The following UGT1A10 variants were observed in gnomAD, a reference collection of about 807,000 sequenced individuals.
UGT1A10 encodes UDP glucuronosyltransferase family 1 member A10.
A neutral mutation model predicts 45.8 loss-of-function variants in UGT1A10; 49 were observed. That is an observed-to-expected ratio of 1.07 (90% CI 0.85 to 1.36). UGT1A10 has a LOEUF of 1.36. Among genes scored for constraint, UGT1A10 ranks in the 40% most tolerant of loss-of-function variants. UGT1A10 has a pLI of 0.00. For synonymous variants in UGT1A10, 284 were observed against 249.7 expected, an observed-to-expected ratio of 1.14 and a Z score of -1.29; for missense variants, 745 against 668.6, an observed-to-expected ratio of 1.11 and a Z score of -1.26.
chr2:233,760,714 A>G, intron 1 of UGT1A10: 1 of 1,614,210 alleles, frequency 6.2e-7, no homozygotes, highest in Non-Finnish European at 8.5e-7. Flanking sequence ...CCTGGCAGAA[A>G]GCAGCTTTGA....
At chr2:233,647,766 T>A (rs1360191345) in intron 1 of UGT1A10, among the ~76,000 whole-genome samples, 1 of 152,232 alleles carries the variant, frequency 6.6e-6, no homozygotes, top group Non-Finnish European at 1.5e-5. Flanking sequence ...ATTTATATCT[T>A]CTGTCTTTTT....
intron 1 of UGT1A10, chr2:233,755,212 T>G (rs1192331400): frequency 1.0e-5 from 11 of 1,054,576 alleles, no homozygotes; most frequent in Admixed American, 3.8e-5. Context: ...TACGCCTTCT[T>G]GATACCCTCG....
chr2:233,648,265 G>A, intron 1 of UGT1A10: 1 of 616,222 alleles, frequency 1.6e-6, no homozygotes, highest in Non-Finnish European at 2.9e-6. Flanking sequence ...TTTTGATGCG[G>A]TGTTTCTGGA....
intron 1 of UGT1A10, among the ~76,000 whole-genome samples, chr2:233,726,317 A>G (rs1017068137): frequency 1.3e-5 from 2 of 152,230 alleles, no homozygotes; most frequent in African/African-American, 4.8e-5. Context: ...CATTGAGCTC[A>G]GGAGTTTCAG....
At chr2:233,724,276 C>T (rs2077203543) in intron 1 of UGT1A10, among the ~76,000 whole-genome samples, 1 of 135,960 alleles carries the variant, frequency 7.4e-6, no homozygotes, top group Non-Finnish European at 1.6e-5. Flanking sequence ...GGGCGGCTGG[C>T]CGGGCGGGGG....
rs1190713460 is a variant in UGT1A10 at position 233,755,086 on chromosome 2, G to T, written c.856-11948G>T. ...TCGCCATAGCGGTCATAGATATCGC[G>T]TTTCTACGCGTCCGACAACACCTCG... On this transcript the variant is annotated intron_variant, in intron 1 of 4. Coordinates refer to ENST00000344644, the MANE Select transcript of UGT1A10 (RefSeq NM_019075.4). The T allele has an allele frequency of 7.5e-6, 10 of 1,335,354 alleles. No homozygotes were observed. In the African/African-American group the frequency reaches 1.5e-4, roughly 20 times the overall value. 82.7% of individuals were successfully genotyped at this position (1,335,354 alleles called of 1,614,324 possible). A position where few individuals can be genotyped will look rare whatever the true frequency, so the allele number is the denominator to read the frequency against.
chr2:233,745,880 T>G (rs1172718877), intron 1 of UGT1A10, among the ~76,000 whole-genome samples: 2 of 151,190 alleles, frequency 1.3e-5, no homozygotes, highest in Non-Finnish European at 2.9e-5. Context: ...TCCAGAAGTG[T>G]TGGTGGGGTG....
intron 1 of UGT1A10, among the ~76,000 whole-genome samples, chr2:233,679,523 C>T (rs1325905150): frequency 6.6e-6 from 1 of 152,140 alleles, no homozygotes; most frequent in Non-Finnish European, 1.5e-5. Flanking sequence ...TCTTCCTTGC[C>T]AATAAATGTC....
intron 1 of UGT1A10, chr2:233,719,203 G>T (rs145806554): frequency 2.5e-6 from 4 of 1,614,124 alleles, no homozygotes; most frequent in Admixed American, 3.3e-5. Flanking sequence ...CATAGGTGTT[G>T]TGTGGAGCTA....
chr2:233,748,568 G>A (rs1374135931), intron 1 of UGT1A10, among the ~76,000 whole-genome samples: 1 of 151,846 alleles, frequency 6.6e-6, no homozygotes, highest in South Asian at 2.1e-4. Flanking sequence ...GGAAGTAGAA[G>A]TGTTAAAGAG....
chr2:233,731,014 G>A (rs759586462), intron 1 of UGT1A10, among the ~76,000 whole-genome samples: 7 of 152,190 alleles, frequency 4.6e-5, no homozygotes, highest in Non-Finnish European at 7.3e-5. Context: ...TACATCGTGA[G>A]AGAATCAGCC....
intron 1 of UGT1A10, among the ~76,000 whole-genome samples, chr2:233,699,970 C>T (rs1456115937): frequency 6.6e-6 from 1 of 152,176 alleles, no homozygotes; most frequent in African/African-American, 2.4e-5. Flanking sequence ...ACCCGTCCCC[C>T]AACTCCCAAC....
intron 1 of UGT1A10, among the ~76,000 whole-genome samples, chr2:233,690,306 T>C (rs2074984284): frequency 6.6e-6 from 1 of 152,220 alleles, no homozygotes. Context: ...CTGGCTCCAT[T>C]ACTTATGGGT....
At chr2:233,695,798 A>G (rs1313678419) in intron 1 of UGT1A10, among the ~76,000 whole-genome samples, 1 of 152,172 alleles carries the variant, frequency 6.6e-6, no homozygotes, top group African/African-American at 2.4e-5. Context: ...TATATGTACT[A>G]TCTGTGAGTG....
At position 233,725,173 on chromosome 2, in the gene UGT1A10, C is replaced by G. The variant is rs567676971; in HGVS notation, c.856-41861C>G. On this transcript the variant is annotated intron_variant, in intron 1 of 4. Transcript: ENST00000344644. ...CTTCGGCTCTGCATGAGAGGGAGAC[C>G]GTGGGGAGAGGCAGAGGCAGAGGCA... Among the ~76,000 whole-genome samples, 8 of 94,296 alleles carry G rather than the reference C, an allele frequency of 8.5e-5. 1 individual carries two copies. The East Asian group carries it at 9.6e-4, about 11-fold the overall frequency. The allele number at this position is 94,296 out of a possible 152,430, so 61.9% of individuals were successfully genotyped here.
intron 1 of UGT1A10, among the ~76,000 whole-genome samples, chr2:233,712,715 A>G (rs2125629619): frequency 1.3e-5 from 2 of 151,908 alleles, no homozygotes; most frequent in South Asian, 4.2e-4. Context: ...TTGGGAATTG[A>G]ATGAGAAACA....
intron 1 of UGT1A10, among the ~76,000 whole-genome samples, chr2:233,705,875 G>C (rs923785055): frequency 6.6e-6 from 1 of 152,126 alleles, no homozygotes; most frequent in Non-Finnish European, 1.5e-5. Flanking sequence ...ATCACTTGAG[G>C]CCAGGAGTTC....
At position 233,754,917 on chromosome 2, in the gene UGT1A10, G is replaced by A. The variant is rs1403282569; in HGVS notation, c.856-12117G>A. ...CTGACCCCCCAAAATATTCTCCAGC[G>A]GGTTTCCCAAGAGGTCAAAGGAGAA... On this transcript the variant is annotated intron_variant, in intron 1 of 4. Coordinates refer to ENST00000344644, the MANE Select transcript of UGT1A10 (RefSeq NM_019075.4). The A allele has an allele frequency of 3.0e-6, 4 of 1,353,604 alleles. No homozygotes were observed. In the African/African-American group the frequency reaches 4.4e-5, roughly 15 times the overall value. 83.8% of individuals were successfully genotyped at this position (1,353,604 alleles called of 1,614,324 possible).
At chr2:233,738,832 A>G (rs6431628) in intron 1 of UGT1A10, 84,103 of 152,154 alleles carry the variant, frequency 0.55, 25,404 homozygotes, top group African/African-American at 0.81. Context: ...ATAAGGAGGA[A>G]CCAAATGTTA....
Sources: allele counts gnomAD v4.1 joint callset (sites outside exome capture counted in the v4.1 genomes callset), GRCh38; gene constraint gnomAD v4.1.1; transcripts MANE v1.5; gene names NCBI Gene and HGNC (gene_info 2026-07-23, HGNC 2026-07-21).